Variants in SLC6A6 observed in about 807,000 individuals in gnomAD.
SLC6A6 encodes the protein solute carrier family 6 member 6, also known as sodium- and chloride-dependent taurine transporter.
Under a neutral mutation model 68.8 loss-of-function variants are expected in SLC6A6, and 16 were observed. The ratio of observed to expected loss-of-function variants is 0.23; its 90% CI spans 0.16 to 0.35. SLC6A6 has a LOEUF of 0.35. Among genes scored for constraint, SLC6A6 ranks in the 10% least tolerant of loss-of-function variants. The pLI is 1.00. For missense variants in SLC6A6, 474 were observed against 802.8 expected (o/e 0.59, Z 4.95); for synonymous variants, 312 against 315.4 (o/e 0.99, Z 0.12).
At chr3:14,473,841 C>A (rs902841602) in intron 10 of SLC6A6, among the ~76,000 whole-genome samples, 4 of 152,128 alleles carry the variant, frequency 2.6e-5, no homozygotes, top group African/African-American at 9.7e-5. Context: ...AAAACAAAAA[C>A]AGAGGTTAAT....
At chr3:14,407,574 C>T (rs560266844) in intron 1 of SLC6A6, among the ~76,000 whole-genome samples, 186 of 149,820 alleles carry the variant, frequency 1.2e-3, no homozygotes, top group African/African-American at 4.3e-3. Context: ...GTGGCATGAT[C>T]TCTACTGCAG....
chr3:14,479,066 C>T lies in SLC6A6; in HGVS notation c.1451-19C>T. On this transcript the variant is annotated intron_variant, in intron 12 of 14. Coordinates refer to ENST00000622186, the MANE Select transcript of SLC6A6 (RefSeq NM_003043.6). ...CCTTGAACGCTGTGTCAGAAAATGT[C>T]CCCCTCTGTCTCTTGCAGGAGGTGA... 1 of 1,538,632 alleles carries T rather than the reference C, an allele frequency of 6.5e-7. No homozygotes were observed. Among genetic ancestry groups the T allele is most frequent in the Non-Finnish European group, 9.0e-7 (1 of 1,111,184 alleles).
At chr3:14,416,992 G>A (rs896041607) in intron 2 of SLC6A6, among the ~76,000 whole-genome samples, 5 of 152,206 alleles carry the variant, frequency 3.3e-5, no homozygotes, top group African/African-American at 1.2e-4. Context: ...CTACAGGCGC[G>A]TGCCGCCGTG....
intron 1 of SLC6A6, among the ~76,000 whole-genome samples, chr3:14,413,580 CCTT>C (rs1227275970): frequency 6.6e-6 from 1 of 152,224 alleles, no homozygotes; most frequent in Non-Finnish European, 1.5e-5. Flanking sequence ...CCACCCCAGA[CCTT>C]CTCATTTAGA....
intron 3 of SLC6A6, chr3:14,444,696 G>T (rs1324870635): frequency 2.2e-6 from 1 of 456,246 alleles, no homozygotes; most frequent in Admixed American, 2.4e-5. Context: ...ACCACCTTTT[G>T]GGGAATTTTC....
At chr3:14,403,077 A>AGT (rs34547966) in intron 1 of SLC6A6, among the ~76,000 whole-genome samples, 1,648 of 143,378 alleles carry the variant, frequency 0.011, 12 homozygotes, top group Middle Eastern at 0.018. Flanking sequence ...GCGGCAGGAG[A>AGT]GTGTGTGTGT....
rs552453150 is a variant in SLC6A6, at chr3:14,406,552, A to G, written c.-54+3705A>G. ...TAAACATGGGGGTGAAGGCCTGGAC[A>G]TGCTATTTAACCGGTACACAGGCCA... On this transcript the variant is annotated intron_variant, in intron 1 of 14. Coordinates refer to ENST00000622186, the MANE Select transcript of SLC6A6 (RefSeq NM_003043.6). Among the ~76,000 whole-genome samples, 14 of 152,330 alleles carry G rather than the reference A, an allele frequency of 9.2e-5. No individual in the cohort carries two copies. The South Asian group carries it at 2.9e-3, about 32-fold the overall frequency.
chr3:14,480,546 C>T (rs943118686), intron 13 of SLC6A6, among the ~76,000 whole-genome samples: 2 of 152,226 alleles, frequency 1.3e-5, no homozygotes, highest in African/African-American at 2.4e-5. Flanking sequence ...AGCCACAGCC[C>T]TACACGTAGG....
intron 5 of SLC6A6, among the ~76,000 whole-genome samples, chr3:14,455,792 A>T (rs1700352946): frequency 6.6e-6 from 1 of 152,194 alleles, no homozygotes; most frequent in African/African-American, 2.4e-5. Context: ...AAGCCGTGGC[A>T]GGCGCCAGAT....
intron 1 of SLC6A6, among the ~76,000 whole-genome samples, chr3:14,415,719 C>T (rs73815260): frequency 1.3e-5 from 2 of 152,084 alleles, no homozygotes; most frequent in African/African-American, 4.8e-5. Context: ...AGAACCCCCC[C>T]GCTCCAAAAA....
chr3:14,405,213 A>G, intron 1 of SLC6A6, among the ~76,000 whole-genome samples: 1 of 151,952 alleles, frequency 6.6e-6, no homozygotes, highest in East Asian at 1.9e-4. Flanking sequence ...ACCCATTTGC[A>G]CCTTGCTTCT....
At chr3:14,411,735 G>T (rs1187533437) in intron 1 of SLC6A6, among the ~76,000 whole-genome samples, 1 of 152,176 alleles carries the variant, frequency 6.6e-6, no homozygotes, top group African/African-American at 2.4e-5. Context: ...AGTGGCTCCA[G>T]GCTTGGAAAT....
chr3:14,445,953 A>T, intron 4 of SLC6A6, 102 bp downstream of exon 4: 1 of 1,169,758 alleles, frequency 8.5e-7, no homozygotes, highest in East Asian at 2.4e-5. Flanking sequence ...CCTCATGCAC[A>T]TCACTTAGCT....
In SLC6A6 at chr3:14,440,344, A is replaced by G. The variant is rs114485020; in HGVS notation, c.-11-3280A>G. On this transcript the variant is annotated intron_variant, in intron 2 of 14. Transcript: ENST00000622186. ...CTGGCAGGGAGCCAGGGGGCTTTTTATACTGCGGCTCCAACAGCCAGTGGG... is the reference window on the plus strand; with the variant it reads ...CTGGCAGGGAGCCAGGGGGCTTTTTGTACTGCGGCTCCAACAGCCAGTGGG... Among the ~76,000 whole-genome samples the G allele has an allele frequency of 2.9e-3, 439 of 152,110 alleles. 1 individual carries two copies. The highest frequency in any genetic ancestry group is 9.8e-3 in the African/African-American group (408 of 41,486).
chr3:14,453,033 C>T (rs1446421759), intron 5 of SLC6A6, among the ~76,000 whole-genome samples: 17 of 152,272 alleles, frequency 1.1e-4, no homozygotes, highest in Admixed American at 1.1e-3. Flanking sequence ...TCTTCCCCTG[C>T]AGCTGTCGGA....
Position 14,402,941 on chromosome 3 carries a change from C to A in SLC6A6, c.-54+94C>A, listed in dbSNP as rs1699018872. The A allele has an allele frequency of 7.8e-6, 3 of 384,394 alleles. No homozygotes were observed. Among genetic ancestry groups the A allele is most frequent in the Non-Finnish European group, 1.4e-5 (3 of 216,906 alleles). 23.8% of individuals were successfully genotyped at this position (384,394 alleles called of 1,614,324 possible). On this transcript the variant is annotated intron_variant, in intron 1 of 14. Transcript: ENST00000622186. This position sits in a 1 kb window ranked among gnomAD's most constrained non-coding sequence, Gnocchi z 4.8. ...CGCGTCGCCGCAGTCCCGGCCTCCT[C>A]CCCTCCGCGTGCGCCCATCCGGCGC...
Position 14,417,450 on chromosome 3 carries a change from G to A in SLC6A6, c.-12+997G>A, listed in dbSNP as rs546891948. Among the ~76,000 whole-genome samples the A allele has an allele frequency of 2.0e-5, 3 of 151,462 alleles. No homozygotes were observed. The South Asian group carries it at 6.3e-4, about 32-fold the overall frequency. On this transcript the variant is annotated intron_variant, in intron 2 of 14. Transcript: ENST00000622186. ...CAGGCCTTTCATAAGAGCAAGGCCA[G>A]GCCGGGCGCCGTGGCTCACGCCTGG...
rs776672389 is a variant in SLC6A6, at chr3:14,477,219, A to G, written c.1224A>G (p.Glu408=). ...CCCCTCCTCAGTTTGTTGAAGTTGAAGGACAGATCACATCCTTGGTTGATC... is the reference window on the plus strand; with the variant it reads ...CCCCTCCTCAGTTTGTTGAAGTTGAGGGACAGATCACATCCTTGGTTGATC... ...LGLDSQFVEV[E]GQITSLVDLY... is the part of the protein sequence containing the mutation. Residue 408 remains glutamate (E), a synonymous_variant, in exon 11 of 15, where the codon GAA becomes GAG. Coordinates refer to ENST00000622186, the MANE Select transcript of SLC6A6 (RefSeq NM_003043.6). This position sits in a 1 kb window ranked among gnomAD's most constrained non-coding sequence, Gnocchi z 4.2. 6.2e-7 allele frequency: 1 copy of G among 1,613,150 alleles called. No individual in the cohort carries two copies. The highest frequency in any genetic ancestry group is 1.1e-5 in the South Asian group (1 of 91,026).
At chr3:14,471,130 C>CTTTTTTTTTTTTTTTTTTTTTTTTGTT (rs754511089) in intron 9 of SLC6A6, among the ~76,000 whole-genome samples, 5 of 83,124 alleles carry the variant, frequency 6.0e-5, no homozygotes, top group Admixed American at 1.4e-4. Context: ...TGCTTCTTGA[C>CTTTTTTTTTTTTTTTTTTTTTTTTGTT]TTTTTTTTTT....
Sources: allele counts gnomAD v4.1 joint callset (sites outside exome capture counted in the v4.1 genomes callset), GRCh38; gene constraint gnomAD v4.1.1; non-coding constraint Gnocchi (gnomAD v3.1); transcripts MANE v1.5; gene names NCBI Gene and HGNC (gene_info 2026-07-23, HGNC 2026-07-21).